MED31: variants seen among roughly 807,000 people sequenced by gnomAD.
The protein encoded by MED31 is mediator of RNA polymerase II transcription subunit 31.
In MED31, 11 loss-of-function variants were observed where a neutral mutation model predicts 22.0. The ratio of observed to expected loss-of-function variants is 0.50; its 90% CI spans 0.31 to 0.83. MED31 has a LOEUF of 0.83. Among genes scored for constraint, MED31 ranks in the 40% least tolerant of loss-of-function variants. The probability of loss-of-function intolerance (pLI) is 0.04; values close to 1 mark genes in which losing one functional copy is unlikely to be tolerated. For synonymous variants in MED31, 60 were observed against 55.1 expected (o/e 1.09, Z -0.40); for missense variants, 122 against 155.3 (o/e 0.79, Z 1.14).
At chr17:6,649,849 G>A (rs1438446602) in intron 3 of MED31, 133 bp downstream of exon 3, 28 of 855,548 alleles carry the variant, frequency 3.3e-5, no homozygotes, top group Non-Finnish European at 9.9e-6. Context: ...TAGAGATGAG[G>A]GTGTCTTGTA....
intron 3 of MED31, chr17:6,649,744 G>C: frequency 3.0e-6 from 1 of 338,388 alleles, no homozygotes; most frequent in Non-Finnish European, 5.3e-6. Context: ...GTAGAAAGCT[G>C]TTTTGCTTGG....
chr17:6,647,305 T>C (rs942898806), intron 3 of MED31, among the ~76,000 whole-genome samples: 2 of 152,242 alleles, frequency 1.3e-5, no homozygotes, highest in African/African-American at 2.4e-5. Context: ...TTTCTCATTC[T>C]TTCATCTCCA....
chr17:6,646,530 CAT>C (rs199758290), intron 3 of MED31, among the ~76,000 whole-genome samples: 1,742 of 152,330 alleles, frequency 0.011, 14 homozygotes, highest in Non-Finnish European at 0.02. Context: ...CCCCCAGAAA[CAT>C]GTGCTATATT....
intron 3 of MED31, among the ~76,000 whole-genome samples, chr17:6,649,087 A>G (rs895303442): frequency 6.6e-6 from 1 of 152,112 alleles, no homozygotes; most frequent in Admixed American, 6.5e-5. Flanking sequence ...GGACACAGAA[A>G]AGTGACTTTG....
At chr17:6,646,054 T>C (rs11078642) in intron 3 of MED31, among the ~76,000 whole-genome samples, 79,559 of 151,962 alleles carry the variant, frequency 0.52, 20,938 homozygotes, top group East Asian at 0.65. Context: ...ATTTCTGTCA[T>C]AGTCATGGAA....
At chr17:6,648,675 A>C (rs2150949030) in intron 3 of MED31, among the ~76,000 whole-genome samples, 1 of 152,348 alleles carries the variant, frequency 6.6e-6, no homozygotes, top group East Asian at 1.9e-4. Context: ...AAATATCTGG[A>C]AGGCTGTTGT....
chr17:6,647,029 T>A (rs1299026977), intron 3 of MED31, among the ~76,000 whole-genome samples: 1 of 152,230 alleles, frequency 6.6e-6, no homozygotes, highest in African/African-American at 2.4e-5. Context: ...TTGTGTAAAG[T>A]GAAACATAAA....
chr17:6,644,011 A>T lies in MED31; in HGVS notation c.*456T>A, dbSNP rs2150947143. On this transcript the variant is annotated 3_prime_UTR_variant, in exon 4 of 4. Transcript: ENST00000225728. The stretch of plus-strand genomic sequence containing the variant: ...TTATGCAGTTCCTGTCCTATGATTT[A>T]AAGAGGTCAGTGACTCCGCTACTCT... 1 of 399,412 alleles carries T rather than the reference A, an allele frequency of 2.5e-6. No individual in the cohort carries two copies. Among genetic ancestry groups the T allele is most frequent in the East Asian group, 3.6e-5 (1 of 28,076 alleles). The allele number at this position is 399,412 out of a possible 1,614,324, so 24.7% of individuals were successfully genotyped here.
chr17:6,646,078 T>C (rs905537145), intron 3 of MED31, among the ~76,000 whole-genome samples: 3 of 152,066 alleles, frequency 2.0e-5, no homozygotes, highest in Admixed American at 6.6e-5. Flanking sequence ...AAAAGACCAC[T>C]GAGATGAAAG....
chr17:6,649,912 A>C (rs1027612329), intron 3 of MED31, 70 bp downstream of exon 3: 76 of 1,381,408 alleles, frequency 5.5e-5, no homozygotes, highest in Non-Finnish European at 7.2e-5. Flanking sequence ...CATTTTTGCC[A>C]ATGTGAAACT....
Position 6,649,671 on chromosome 17 carries a change from G to A in MED31, c.203+311C>T, listed in dbSNP as rs573557813. Among the ~76,000 whole-genome samples, 12 of 152,280 alleles carry A rather than the reference G, an allele frequency of 7.9e-5. 2 individuals are homozygous for A. In the South Asian group the frequency reaches 2.3e-3, roughly 29 times the overall value. On this transcript the variant is annotated intron_variant, in intron 3 of 3. Coordinates refer to ENST00000225728, the MANE Select transcript of MED31 (RefSeq NM_016060.3). Reference sequence around the variant, plus strand: ...TGCATGGAATGGAAAGCCATTGAAAGGTTCTAAGCAAGAAAGTAAAGTGTT... The same window carrying A: ...TGCATGGAATGGAAAGCCATTGAAAAGTTCTAAGCAAGAAAGTAAAGTGTT...
intron 1 of MED31, 126 bp from the exon 2 acceptor site, chr17:6,650,559 G>C (rs1246016661): frequency 1.3e-6 from 1 of 774,684 alleles, no homozygotes; most frequent in South Asian, 1.9e-5. Context: ...ACTAGGAGTG[G>C]GAGGAGATAA....
In MED31 at chr17:6,644,028, C is replaced by A. The variant is rs564993875; in HGVS notation, c.*439G>T. Reference sequence around the variant, plus strand: ...TATGATTTAAAGAGGTCAGTGACTCCGCTACTCTCACTACATCTTAGAGTA... The same window carrying A: ...TATGATTTAAAGAGGTCAGTGACTCAGCTACTCTCACTACATCTTAGAGTA... On this transcript the variant is annotated 3_prime_UTR_variant, in exon 4 of 4. Coordinates refer to ENST00000225728, the MANE Select transcript of MED31 (RefSeq NM_016060.3). 1.0e-5 allele frequency: 4 copies of A among 400,480 alleles called. No homozygotes were observed. The highest frequency in any genetic ancestry group is 1.8e-5 in the Non-Finnish European group (4 of 227,318). 24.8% of individuals were successfully genotyped at this position (400,480 alleles called of 1,614,324 possible).
chr17:6,648,382 T>A (rs1972788840), intron 3 of MED31, among the ~76,000 whole-genome samples: 1 of 152,218 alleles, frequency 6.6e-6, no homozygotes, highest in Admixed American at 6.5e-5. Context: ...TGGCACCTAC[T>A]GGCTATCAAT....
intron 3 of MED31, among the ~76,000 whole-genome samples, chr17:6,645,595 C>T (rs1388076586): frequency 6.6e-6 from 1 of 152,156 alleles, no homozygotes; most frequent in African/African-American, 2.4e-5. Flanking sequence ...CTTGAAGGGC[C>T]TCCCAATGGC....
chr17:6,648,464 G>C (rs370713001), intron 3 of MED31, among the ~76,000 whole-genome samples: 4 of 152,304 alleles, frequency 2.6e-5, no homozygotes, highest in African/African-American at 9.6e-5. Context: ...GCTGCTCTCA[G>C]CTTCAGCCCA....
intron 2 of MED31, 45 bp downstream of exon 2, chr17:6,650,311 A>G: frequency 6.4e-7 from 1 of 1,563,074 alleles, no homozygotes; most frequent in South Asian, 1.1e-5. Context: ...TTCTGTCAGA[A>G]ATCATTAATA....
rs1407903029 is a variant in MED31, at chr17:6,651,593, T to C, written c.-65A>G. The C allele has an allele frequency of 6.2e-7, 1 of 1,609,062 alleles. No homozygotes were observed. Among genetic ancestry groups the C allele is most frequent in the Non-Finnish European group, 8.5e-7 (1 of 1,177,654 alleles). ...CAAAAGCCCAGAGACGCGGGCGAAG[T>C]TCCGGAAACCACGGCTCCCTCTTCC... On this transcript the variant is annotated 5_prime_UTR_variant, in exon 1 of 4. Transcript: ENST00000225728.
chr17:6,650,509 C>T, intron 1 of MED31, 76 bp from the exon 2 acceptor site: 1 of 1,371,232 alleles, frequency 7.3e-7, no homozygotes, highest in South Asian at 1.2e-5. Flanking sequence ...AAGGAAAGAG[C>T]AATAAAGAAA....
Sources: allele counts gnomAD v4.1 joint callset (sites outside exome capture counted in the v4.1 genomes callset), GRCh38; gene constraint gnomAD v4.1.1; transcripts MANE v1.5; gene names NCBI Gene and HGNC (gene_info 2026-07-23, HGNC 2026-07-21).